The following CEP63 variants were observed in gnomAD, a reference collection of about 807,000 sequenced individuals.
The protein encoded by CEP63 is centrosomal protein 63, also known as centrosomal protein of 63 kDa.
In CEP63, 84 loss-of-function variants were observed where a neutral mutation model predicts 89.1. The ratio of observed to expected loss-of-function variants is 0.94; its 90% CI spans 0.79 to 1.13. CEP63 has a LOEUF of 1.13. CEP63 is among the 50% of genes most tolerant of loss of function. The pLI is 0.00. For missense variants in CEP63, 838 were observed against 813.3 expected, an observed-to-expected ratio of 1.03 and a Z score of -0.37; for synonymous variants, 267 against 272.5, an observed-to-expected ratio of 0.98 and a Z score of 0.20.
the CEP63 span, among the ~76,000 whole-genome samples, chr3:134,722,701 C>T: frequency 6.6e-6 from 1 of 152,052 alleles, no homozygotes; most frequent in Non-Finnish European, 1.5e-5. Flanking sequence ...AAAATGTGTG[C>T]CTGGTAGGTA....
At chr3:134,617,430 G>C in the CEP63 span, among the ~76,000 whole-genome samples, 2 of 152,128 alleles carry the variant, frequency 1.3e-5, no homozygotes, top group Non-Finnish European at 2.9e-5. Flanking sequence ...GTATTCGCAG[G>C]GGAGGTAGAA....
chr3:134,586,330 C>G (rs1958484407), intron 10 of CEP63, among the ~76,000 whole-genome samples: 1 of 152,098 alleles, frequency 6.6e-6, no homozygotes, highest in Non-Finnish European at 1.5e-5. Flanking sequence ...GTGGCTGGTA[C>G]CAGTTGTTCC....
At chr3:134,708,095 G>T in the CEP63 span, among the ~76,000 whole-genome samples, 1 of 152,198 alleles carries the variant, frequency 6.6e-6, no homozygotes, top group African/African-American at 2.4e-5. Context: ...TAATGCCATT[G>T]TCCCTGGAGG....
chr3:134,636,785 AC>A, the CEP63 span, among the ~76,000 whole-genome samples: 2 of 152,052 alleles, frequency 1.3e-5, no homozygotes, highest in African/African-American at 2.4e-5. Flanking sequence ...GGTTTTATCA[AC>A]CCTTTAAATT....
intron 1 of CEP63, among the ~76,000 whole-genome samples, chr3:134,494,265 C>G (rs925190359): frequency 6.6e-6 from 1 of 151,832 alleles, no homozygotes; most frequent in Non-Finnish European, 1.5e-5. Flanking sequence ...CAGGTGCATG[C>G]CACCATGCCC....
the CEP63 span, among the ~76,000 whole-genome samples, chr3:134,660,584 C>CT: frequency 1.3e-5 from 2 of 152,212 alleles, no homozygotes; most frequent in East Asian, 1.9e-4. Context: ...TCACAAACAT[C>CT]TTTTTTTTCT....
chr3:134,587,988 T>C (rs1435210216), downstream of CEP63, among the ~76,000 whole-genome samples: 3 of 152,200 alleles, frequency 2.0e-5, no homozygotes, highest in African/African-American at 7.2e-5. Context: ...TATGTCCCTC[T>C]TCAAATACAA....
chr3:134,625,152 C>A, the CEP63 span: 1 of 1,582,940 alleles, frequency 6.3e-7, no homozygotes, highest in East Asian at 2.3e-5. Context: ...ACACAGGGCA[C>A]CTTGGTCAGC....
the CEP63 span, chr3:134,606,931 A>G: frequency 8.1e-6 from 8 of 984,306 alleles, no homozygotes; most frequent in Non-Finnish European, 8.4e-6. Context: ...CAGTTTCCCT[A>G]TTTTGTTTCC....
intron 6 of CEP63, among the ~76,000 whole-genome samples, chr3:134,541,175 A>C (rs913209586): frequency 6.6e-6 from 1 of 152,146 alleles, no homozygotes; most frequent in Non-Finnish European, 1.5e-5. Flanking sequence ...GCGTATGTGT[A>C]CTCAATTTAC....
At chr3:134,678,854 C>T in the CEP63 span, among the ~76,000 whole-genome samples, 2 of 152,232 alleles carry the variant, frequency 1.3e-5, no homozygotes, top group African/African-American at 4.8e-5. Flanking sequence ...TGATCACCTT[C>T]TCCACCTGGT....
intron 11 of CEP63, among the ~76,000 whole-genome samples, chr3:134,551,373 A>T (rs1954787540): frequency 1.3e-5 from 2 of 152,104 alleles, no homozygotes; most frequent in South Asian, 4.1e-4. Flanking sequence ...TGTAAAAAAG[A>T]TGTTGGAATG....
chr3:134,693,985 G>A, the CEP63 span, among the ~76,000 whole-genome samples: 3 of 152,228 alleles, frequency 2.0e-5, no homozygotes, highest in African/African-American at 7.2e-5. Context: ...CTGCAGGAAT[G>A]TTGGCAGCCA....
chr3:134,696,919 A>G, the CEP63 span, among the ~76,000 whole-genome samples: 5 of 152,216 alleles, frequency 3.3e-5, no homozygotes, highest in African/African-American at 1.2e-4. Flanking sequence ...GCTCTTCCAG[A>G]TATTTATGTG....
the CEP63 span, among the ~76,000 whole-genome samples, chr3:134,665,365 A>AGT: frequency 6.6e-6 from 1 of 152,304 alleles, no homozygotes; most frequent in East Asian, 1.9e-4. Context: ...TGGCCCCTGG[A>AGT]GTGGCTGTTG....
chr3:134,552,123 G>T (rs1955015840), intron 12 of CEP63, 111 bp downstream of exon 12: 19 of 621,560 alleles, frequency 3.1e-5, no homozygotes. Flanking sequence ...TCCTTTTGCA[G>T]AAATTTTCTC....
chr3:134,715,937 A>C, the CEP63 span, among the ~76,000 whole-genome samples: 1 of 152,130 alleles, frequency 6.6e-6, no homozygotes, highest in Non-Finnish European at 1.5e-5. Flanking sequence ...ACCAGATCTT[A>C]CTTATAGATC....
At chr3:134,502,023 G>A (rs1030982953) in intron 2 of CEP63, among the ~76,000 whole-genome samples, 2 of 152,152 alleles carry the variant, frequency 1.3e-5, no homozygotes, top group Non-Finnish European at 2.9e-5. Context: ...AGTTTGTTGA[G>A]GGCTTTTAAC....
chr3:134,642,937 G>C, the CEP63 span, among the ~76,000 whole-genome samples: 6 of 152,226 alleles, frequency 3.9e-5, no homozygotes. Flanking sequence ...CTGTCAAACA[G>C]GGTTGCTGTG....
Sources: allele counts gnomAD v4.1 joint callset (sites outside exome capture counted in the v4.1 genomes callset), GRCh38; gene constraint gnomAD v4.1.1; transcripts MANE v1.5; gene names NCBI Gene and HGNC (gene_info 2026-07-23, HGNC 2026-07-21).